TMEM179B: variants seen among roughly 807,000 people sequenced by gnomAD.
The protein encoded by TMEM179B is transmembrane protein 179B.
A neutral mutation model predicts 18.0 loss-of-function variants in TMEM179B; 13 were observed. That is an observed-to-expected ratio of 0.72 (90% CI 0.47 to 1.15). TMEM179B has a LOEUF of 1.15. Among genes scored for constraint, TMEM179B ranks in the 50% most tolerant of loss-of-function variants. The probability of loss-of-function intolerance (pLI) is 0.00; values close to 1 mark genes in which losing one functional copy is unlikely to be tolerated. For missense variants in TMEM179B, 320 were observed against 270.6 expected (o/e 1.18, Z -1.28); for synonymous variants, 159 against 117.5 (o/e 1.35, Z -2.29).
Position 62,789,025 on chromosome 11 carries a change from C to T in TMEM179B, c.99C>T (p.Gly33=), listed in dbSNP as rs1331437310. ...GACTCAGCAGCTTCTCTCCACAGGGCTCCTTCAGTGGTAGATGTCCCCTGT... is the reference window on the plus strand; with the variant it reads ...GACTCAGCAGCTTCTCTCCACAGGGTTCCTTCAGTGGTAGATGTCCCCTGT... The part of the protein sequence containing the change: ...VAAAAMTRTQ[G]SFSGRCPLYG... The change falls in exon 2 of 5, where the codon GGC becomes GGT. Residue 33 remains glycine (G), a splice_region_variant and synonymous_variant. Coordinates refer to ENST00000333449, the MANE Select transcript of TMEM179B (RefSeq NM_199337.3). 1.2e-6 allele frequency: 2 copies of T among 1,610,822 alleles called. No homozygotes were observed. Among genetic ancestry groups the T allele is most frequent in the Admixed American group, 3.3e-5 (2 of 59,808 alleles).
Position 62,789,699 on chromosome 11 carries a change from G to A in TMEM179B, c.498+20G>A, listed in dbSNP as rs772565837. 2.0e-6 allele frequency: 3 copies of A among 1,530,960 alleles called. No individual in the cohort carries two copies. The highest frequency in any genetic ancestry group is 4.3e-5 in the Admixed American group (2 of 46,378). The allele number at this position is 1,530,960 out of a possible 1,614,324, so 94.8% of individuals were successfully genotyped here. ...GCTGAAGTGAGACCCAAGGATAGGAGGAAAAACTGACATAAATATCTGTAG... is the reference window on the plus strand; with the variant it reads ...GCTGAAGTGAGACCCAAGGATAGGAAGAAAAACTGACATAAATATCTGTAG... On this transcript the variant is annotated intron_variant, in intron 4 of 4. Coordinates refer to ENST00000333449, the MANE Select transcript of TMEM179B (RefSeq NM_199337.3).
chr11:62,789,013 C>T lies in TMEM179B; in HGVS notation c.97-10C>T. The T allele has an allele frequency of 1.2e-6, 2 of 1,604,232 alleles. No homozygotes were observed. The highest frequency in any genetic ancestry group is 2.2e-5 in the South Asian group (2 of 90,644). The stretch of plus-strand genomic sequence containing the variant: ...CCTGAAATCTAGGACTCAGCAGCTT[C>T]TCTCCACAGGGCTCCTTCAGTGGTA... On this transcript the variant is annotated splice_polypyrimidine_tract_variant and intron_variant, in intron 1 of 4. Transcript: ENST00000333449.
At position 62,788,027 on chromosome 11, in the gene TMEM179B, C is replaced by T. The variant is rs1214375751; in HGVS notation, c.96+500C>T. ...CAATAATTTACATCGTTTACCCCAG[C>T]CAGGTAATCTGGTTAATAAACATGG... On this transcript the variant is annotated intron_variant, in intron 1 of 4. Coordinates refer to ENST00000333449, the MANE Select transcript of TMEM179B (RefSeq NM_199337.3). The T allele has an allele frequency of 1.3e-5, 6 of 458,150 alleles. No individual in the cohort carries two copies. The Admixed American group carries it at 1.4e-4, about 11-fold the overall frequency. 28.4% of individuals were successfully genotyped at this position (458,150 alleles called of 1,614,324 possible). A position where few individuals can be genotyped will look rare whatever the true frequency, so the allele number is the denominator to read the frequency against.
In TMEM179B at chr11:62,787,502, C is replaced by T. The variant is rs370414966; in HGVS notation, c.71C>T (p.Ala24Val). The T allele has an allele frequency of 3.8e-6, 6 of 1,577,056 alleles. No homozygotes were observed. The highest frequency in any genetic ancestry group is 4.3e-6 in the Non-Finnish European group (5 of 1,169,680). The change falls in exon 1 of 5, where the codon GCG (alanine) becomes GTG (valine). Residue 24 changes from alanine (A) to valine (V), a missense_variant. Physicochemically the swap from Ala to Val is moderately conservative, Grantham distance 64. Transcript: ENST00000333449. The stretch of plus-strand genomic sequence containing the variant: ...GCCGCCTTCCTGTGCGGGGCCGTGG[C>T]GGCCGCGGCGATGACTCGGACCCAG... Reference protein sequence around the residue: ...FAAAFLCGAVAAAAMTRTQGS... With the variant: ...FAAAFLCGAVVAAAMTRTQGS...
chr11:62,789,644 G>T lies in TMEM179B; in HGVS notation c.463G>T (p.Ala155Ser), dbSNP rs2084334914. The change falls in exon 4 of 5, where the codon GCT becomes TCT. Residue 155 changes from alanine (A) to serine (S), a missense_variant. By Grantham distance (99) the Ala-to-Ser change is moderately conservative. Coordinates refer to ENST00000333449, the MANE Select transcript of TMEM179B (RefSeq NM_199337.3). ...AATTCCATGGACACCCCCTGGAACT[G>T]CTCTGCAGTTTTACTCCAACCTACA... ...QKIPWTPPGT[A>S]LQFYSNLHNA... 1 of 1,549,672 alleles carries T rather than the reference G, an allele frequency of 6.5e-7. No individual in the cohort carries two copies. The highest frequency in any genetic ancestry group is 1.4e-5 in the African/African-American group (1 of 72,480).
At chr11:62,788,411 A>C (rs186419540) in intron 1 of TMEM179B, among the ~76,000 whole-genome samples, 2 of 150,696 alleles carry the variant, frequency 1.3e-5, no homozygotes, top group African/African-American at 2.4e-5. Context: ...CAAAAACAAA[A>C]ACAAAAACAC....
chr11:62,790,031 G>A lies in TMEM179B; in HGVS notation c.644G>A (p.Arg215His), dbSNP rs541728237. Residue 215 changes from arginine to histidine, a missense_variant, in exon 5 of 5, where the codon CGC (arginine) becomes CAC (histidine). Arg to His is a conservative substitution (Grantham distance 29). Coordinates refer to ENST00000333449, the MANE Select transcript of TMEM179B (RefSeq NM_199337.3). Reference protein sequence around the residue: ...SSETDALVGSRLSHS With the variant: ...SSETDALVGSHLSHS ...GAGACAGATGCTCTCGTTGGGTCAC[G>A]CCTTTCCCATTCCTGAAGAATAAGC... is the stretch of plus-strand genomic sequence containing the variant. 81 of 1,611,654 alleles carry A rather than the reference G, an allele frequency of 5.0e-5. No homozygotes were observed. Among genetic ancestry groups the A allele is most frequent in the South Asian group, 3.2e-4 (29 of 90,830 alleles).
chr11:62,789,685 A>T lies in TMEM179B; in HGVS notation c.498+6A>T. On this transcript the variant is annotated splice_donor_region_variant and intron_variant, in intron 4 of 4. Transcript: ENST00000333449. ...CCAACCTACACAATGCTGAAGTGAG[A>T]CCCAAGGATAGGAGGAAAAACTGAC... 6.5e-7 allele frequency: 1 copy of T among 1,537,132 alleles called. No individual in the cohort carries two copies. The highest frequency in any genetic ancestry group is 8.7e-7 in the Non-Finnish European group (1 of 1,145,360).
At position 62,787,500 on chromosome 11, in the gene TMEM179B, G is replaced by C; in HGVS notation, c.69G>C (p.Val23=). 6.3e-7 allele frequency: 1 copy of C among 1,577,978 alleles called. No individual in the cohort carries two copies. The highest frequency in any genetic ancestry group is 8.5e-7 in the Non-Finnish European group (1 of 1,170,188). The change falls in exon 1 of 5, where the codon GTG becomes GTC. Residue 23 remains valine, a synonymous_variant. Coordinates refer to ENST00000333449, the MANE Select transcript of TMEM179B (RefSeq NM_199337.3). ...CTGCCGCCTTCCTGTGCGGGGCCGT[G>C]GCGGCCGCGGCGATGACTCGGACCC... ...LFAAAFLCGA[V]AAAAMTRTQG...
intron 1 of TMEM179B, among the ~76,000 whole-genome samples, chr11:62,788,650 G>A (rs2084319602): frequency 6.9e-6 from 1 of 145,916 alleles, no homozygotes; most frequent in South Asian, 2.2e-4. Context: ...CGTGCAGTGA[G>A]CCGAGATGGC....
chr11:62,789,982 A>T lies in TMEM179B; in HGVS notation c.595A>T (p.Arg199Trp). The change falls in exon 5 of 5, where the codon AGG becomes TGG. Residue 199 changes from arginine (R) to tryptophan (W), a missense_variant. Coordinates refer to ENST00000333449, the MANE Select transcript of TMEM179B (RefSeq NM_199337.3). ...SEATPYRPLE[R>W]GDPEWSSETD... is the part of the protein sequence containing the mutation. ...AGCCACCCCATACCGGCCTCTGGAG[A>T]GGGGTGACCCTGAGTGGAGCTCTGA... 2.5e-6 allele frequency: 4 copies of T among 1,614,018 alleles called. No homozygotes were observed. Among genetic ancestry groups the T allele is most frequent in the Non-Finnish European group, 3.4e-6 (4 of 1,179,988 alleles).
intron 1 of TMEM179B, chr11:62,787,952 T>A (rs1430696346): frequency 6.2e-6 from 3 of 481,418 alleles, no homozygotes; most frequent in South Asian, 3.1e-5. Context: ...GCACAGTGTG[T>A]TAAATGACAA....
chr11:62,789,553 G>C, intron 3 of TMEM179B, 48 bp from the exon 4 acceptor site: 1 of 1,556,844 alleles, frequency 6.4e-7, no homozygotes, highest in South Asian at 1.2e-5. Context: ...GGTGTGCCTC[G>C]GATATAAACT....
At chr11:62,788,065 C>T in intron 1 of TMEM179B, 1 of 447,198 alleles carries the variant, frequency 2.2e-6, no homozygotes, top group Non-Finnish European at 4.5e-6. Flanking sequence ...TCATTTAATG[C>T]CTATAAAGTA....
chr11:62,790,267 A>G lies in TMEM179B; in HGVS notation c.*220A>G, dbSNP rs1343161673. ...TCTTAGTAGTGAGTTTTTGATGTTA[A>G]AGTACAACTAGATAGGAGGAAGGAG... On this transcript the variant is annotated 3_prime_UTR_variant, in exon 5 of 5. Coordinates refer to ENST00000333449, the MANE Select transcript of TMEM179B (RefSeq NM_199337.3). 1.7e-6 allele frequency: 1 copy of G among 575,674 alleles called. No individual in the cohort carries two copies. The highest frequency in any genetic ancestry group is 2.9e-6 in the Non-Finnish European group (1 of 340,322). The allele number at this position is 575,674 out of a possible 1,614,324, so 35.7% of individuals were successfully genotyped here.
chr11:62,787,600 T>G, intron 1 of TMEM179B, 73 bp downstream of exon 1: 1 of 1,438,112 alleles, frequency 7.0e-7, no homozygotes, highest in African/African-American at 1.4e-5. Context: ...ACTTTCGCTT[T>G]CCGACCGGGC....
In TMEM179B at chr11:62,790,095, C is replaced by T. The variant is rs780235439; in HGVS notation, c.*48C>T. On this transcript the variant is annotated 3_prime_UTR_variant, in exon 5 of 5. Transcript: ENST00000333449. ...CAGCCGAAGACTCCATGCCCAAGTG[C>T]CTGTAATCCCCCCCCTCAAGGCCCT... 18 of 1,520,916 alleles carry T rather than the reference C, an allele frequency of 1.2e-5. No homozygotes were observed. The highest frequency in any genetic ancestry group is 7.0e-5 in the African/African-American group (5 of 71,828). 94.2% of individuals were successfully genotyped at this position (1,520,916 alleles called of 1,614,324 possible). A position where few individuals can be genotyped will look rare whatever the true frequency, so the allele number is the denominator to read the frequency against.
rs1318293814 is a variant in TMEM179B at position 62,789,605 on chromosome 11, T to G, written c.424T>G (p.Ser142Ala). 1 of 1,547,804 alleles carries G rather than the reference T, an allele frequency of 6.5e-7. No individual in the cohort carries two copies. Residue 142 changes from serine (S) to alanine (A), a missense_variant, in exon 4 of 5, where the codon TCT becomes GCT. By Grantham distance (99) the Ser-to-Ala change is moderately conservative. Transcript: ENST00000333449. ...IISLNTTISC[S>A]EAQKIPWTPP... The stretch of plus-strand genomic sequence containing the variant: ...ACTGTCTCTTTGACCTCACAGCTGT[T>G]CTGAAGCCCAGAAAATTCCATGGAC...
At chr11:62,789,742 A>G (rs939262126) in intron 4 of TMEM179B, 63 bp downstream of exon 4, 1 of 1,516,636 alleles carries the variant, frequency 6.6e-7, no homozygotes, top group East Asian at 2.3e-5. Flanking sequence ...GGTGCTCACC[A>G]GTGTATTGTG....
Sources: allele counts gnomAD v4.1 joint callset (sites outside exome capture counted in the v4.1 genomes callset), GRCh38; gene constraint gnomAD v4.1.1; transcripts MANE v1.5; gene names NCBI Gene and HGNC (gene_info 2026-07-23, HGNC 2026-07-21).